Variants in ZMIZ1 observed in about 807,000 individuals in gnomAD.
ZMIZ1 encodes zinc finger MIZ-type containing 1.
Under a neutral mutation model 113.9 loss-of-function variants are expected in ZMIZ1, and 17 were observed. That is an observed-to-expected ratio of 0.15 (90% CI 0.10 to 0.22). The LOEUF (loss-of-function observed/expected upper bound fraction) is 0.22, where lower values mean the gene tolerates loss of function less well. Ranked by LOEUF, ZMIZ1 falls within the 10% of genes least tolerant of loss-of-function variation. The pLI, the probability that ZMIZ1 is intolerant of heterozygous loss-of-function variation, is 1.00. For synonymous variants in ZMIZ1, 607 were observed against 603.1 expected (o/e 1.01, Z -0.09); for missense variants, 1,059 against 1,477.8 (o/e 0.72, Z 4.65).
chr10:79,247,625 C>T lies in ZMIZ1; in HGVS notation c.281-29556C>T, dbSNP rs116294862. On this transcript the variant is annotated intron_variant, in intron 7 of 24. Coordinates refer to ENST00000334512, the MANE Select transcript of ZMIZ1 (RefSeq NM_020338.4). ...GCTGGGTTCCCCAACTGCTCCCACC[C>T]CCCGTAGGGTGAGGCCAGGCCTTAG... is the stretch of plus-strand genomic sequence containing the variant. Among the ~76,000 whole-genome samples, 232 of 152,338 alleles carry T rather than the reference C, an allele frequency of 1.5e-3. 2 individuals carry two copies. The highest frequency in any genetic ancestry group is 5.3e-3 in the African/African-American group (220 of 41,576).
At chr10:79,134,145 T>G (rs1457694926) in intron 2 of ZMIZ1, among the ~76,000 whole-genome samples, 1 of 152,128 alleles carries the variant, frequency 6.6e-6, no homozygotes, top group Non-Finnish European at 1.5e-5. Flanking sequence ...CCTGGGGGGT[T>G]CGAGGGCCTG....
chr10:79,094,662 C>T (rs1843111127), intron 1 of ZMIZ1, among the ~76,000 whole-genome samples: 1 of 152,158 alleles, frequency 6.6e-6, no homozygotes, highest in South Asian at 2.1e-4. Context: ...AGCAATGGGG[C>T]TAGGCCAGGT....
intron 1 of ZMIZ1, among the ~76,000 whole-genome samples, chr10:79,079,277 C>T (rs1842580248): frequency 6.6e-6 from 1 of 152,256 alleles, no homozygotes; most frequent in Non-Finnish European, 1.5e-5. Flanking sequence ...GTTTGTTTCA[C>T]CCATGGGGGC....
chr10:79,311,304 G>GC, intron 24 of ZMIZ1, 120 bp downstream of exon 24: 5 of 359,150 alleles, frequency 1.4e-5, no homozygotes, highest in Non-Finnish European at 2.2e-5. Context: ...TGGGCGGTGG[G>GC]AGGGCTTCAC....
chr10:79,281,941 G>A (rs1022392997), intron 8 of ZMIZ1, among the ~76,000 whole-genome samples: 3 of 152,208 alleles, frequency 2.0e-5, no homozygotes, highest in Non-Finnish European at 4.4e-5. Flanking sequence ...CCAATTTGGA[G>A]GGTCTTTTTA....
chr10:79,107,206 C>T (rs1360453626), intron 1 of ZMIZ1, among the ~76,000 whole-genome samples: 2 of 152,142 alleles, frequency 1.3e-5, no homozygotes, highest in African/African-American at 4.8e-5. Flanking sequence ...TGTCCACTTA[C>T]AAAGCCCAGA....
intron 18 of ZMIZ1, among the ~76,000 whole-genome samples, 183 bp downstream of exon 18, chr10:79,302,395 T>A (rs1465063520): frequency 6.6e-6 from 1 of 152,152 alleles, no homozygotes; most frequent in African/African-American, 2.4e-5. Flanking sequence ...GCTGTTGTCG[T>A]GGTCAGAGAA....
chr10:79,251,024 G>A (rs1476777898), intron 7 of ZMIZ1, among the ~76,000 whole-genome samples: 2 of 152,202 alleles, frequency 1.3e-5, no homozygotes, highest in Non-Finnish European at 2.9e-5. Flanking sequence ...GGCCAAAAGG[G>A]GAGGGGCTTG....
At chr10:79,096,225 T>A (rs1843161843) in intron 1 of ZMIZ1, among the ~76,000 whole-genome samples, 1 of 152,078 alleles carries the variant, frequency 6.6e-6, no homozygotes, top group South Asian at 2.1e-4. Flanking sequence ...AAATGAGATG[T>A]CTAGGCTGGG....
At chr10:79,249,391 G>A (rs868813421) in intron 7 of ZMIZ1, among the ~76,000 whole-genome samples, 6 of 152,322 alleles carry the variant, frequency 3.9e-5, no homozygotes, top group Middle Eastern at 6.8e-3. Context: ...TGGGTGCTGC[G>A]TAAATGTCTG....
chr10:79,169,897 A>C (rs2132527363), intron 4 of ZMIZ1, among the ~76,000 whole-genome samples: 1 of 152,346 alleles, frequency 6.6e-6, no homozygotes, highest in Non-Finnish European at 1.5e-5. Context: ...AAACAGGAGC[A>C]TCTGCTTGAG....
chr10:79,116,580 T>G (rs2132315212), intron 1 of ZMIZ1, among the ~76,000 whole-genome samples: 1 of 152,162 alleles, frequency 6.6e-6, no homozygotes, highest in African/African-American at 2.4e-5. Flanking sequence ...AGGTAGAGCC[T>G]GCAGGGCTGG....
At chr10:79,289,656 G>A (rs1009229682) in intron 8 of ZMIZ1, 119 bp from the exon 9 acceptor site, 31 of 881,274 alleles carry the variant, frequency 3.5e-5, no homozygotes, top group Middle Eastern at 2.9e-4. Context: ...GTACCGACTC[G>A]GATGGGGGTT....
At chr10:79,183,570 G>T (rs1233897453) in intron 4 of ZMIZ1, among the ~76,000 whole-genome samples, 1 of 152,206 alleles carries the variant, frequency 6.6e-6, no homozygotes, top group Non-Finnish European at 1.5e-5. Flanking sequence ...GTTGGAGAAA[G>T]AGTGTGTTAC....
At chr10:79,248,893 G>A (rs2132873823) in intron 7 of ZMIZ1, among the ~76,000 whole-genome samples, 1 of 152,256 alleles carries the variant, frequency 6.6e-6, no homozygotes, top group East Asian at 1.9e-4. Context: ...GGCTTGCAGA[G>A]TTGGTCTCCC....
chr10:79,135,123 T>C (rs1388762399), intron 2 of ZMIZ1, among the ~76,000 whole-genome samples: 1 of 152,250 alleles, frequency 6.6e-6, no homozygotes, highest in East Asian at 1.9e-4. Flanking sequence ...GGTTGATACA[T>C]TTTTAAGTAC....
chr10:79,211,501 G>T (rs1294851465), intron 6 of ZMIZ1, among the ~76,000 whole-genome samples: 2 of 152,162 alleles, frequency 1.3e-5, no homozygotes, highest in African/African-American at 4.8e-5. Context: ...CAATCCCCGG[G>T]GTGACCTCTG....
intron 4 of ZMIZ1, among the ~76,000 whole-genome samples, chr10:79,185,008 C>T (rs1053509724): frequency 1.3e-5 from 2 of 152,206 alleles, no homozygotes; most frequent in Non-Finnish European, 1.5e-5. Context: ...GCAGGAGAGA[C>T]GGGGACCAGA....
chr10:79,199,940 A>AAGGCAGAC (rs906452516), intron 4 of ZMIZ1, among the ~76,000 whole-genome samples: 5 of 152,214 alleles, frequency 3.3e-5, no homozygotes, highest in East Asian at 1.9e-4. Flanking sequence ...GCGTGTGTAG[A>AAGGCAGAC]AGGCAGACAG....
Sources: allele counts gnomAD v4.1 joint callset (sites outside exome capture counted in the v4.1 genomes callset), GRCh38; gene constraint gnomAD v4.1.1; transcripts MANE v1.5; gene names NCBI Gene and HGNC (gene_info 2026-07-23, HGNC 2026-07-21).